The following DAB1 variants were observed in gnomAD, a reference collection of about 807,000 sequenced individuals.
DAB1 encodes the protein DAB adaptor protein 1.
In DAB1, 15 loss-of-function variants were observed where a neutral mutation model predicts 64.6. The ratio of observed to expected loss-of-function variants is 0.23; its 90% CI spans 0.16 to 0.36. The LOEUF (loss-of-function observed/expected upper bound fraction) is 0.36, where lower values mean the gene tolerates loss of function less well. Among genes scored for constraint, DAB1 ranks in the 10% least tolerant of loss-of-function variants. DAB1 has a pLI of 1.00. For synonymous variants in DAB1, 235 were observed against 251.9 expected (o/e 0.93, Z 0.64); for missense variants, 596 against 706.7 (o/e 0.84, Z 1.78).
At chr1:58,508,305 A>T (rs938973900) in intron 2 of DAB1, among the ~76,000 whole-genome samples, 2 of 152,120 alleles carry the variant, frequency 1.3e-5, no homozygotes, top group Admixed American at 6.6e-5. Context: ...CATTTTTCCA[A>T]TTTAGGAAAA....
intron 4 of DAB1, among the ~76,000 whole-genome samples, chr1:58,260,049 G>T (rs1395354914): frequency 6.6e-6 from 1 of 152,122 alleles, no homozygotes; most frequent in Non-Finnish European, 1.5e-5. Flanking sequence ...CCCTCAGCTG[G>T]TAAGTAGGAG....
intron 3 of DAB1, among the ~76,000 whole-genome samples, chr1:58,475,355 T>A (rs1489126596): frequency 6.6e-6 from 1 of 151,956 alleles, no homozygotes; most frequent in East Asian, 1.9e-4. Flanking sequence ...AGAGACAAGG[T>A]TTCACCATGT....
chr1:58,466,906 G>A (rs12085457), intron 3 of DAB1, among the ~76,000 whole-genome samples: 5,160 of 152,254 alleles, frequency 0.034, 331 homozygotes, highest in African/African-American at 0.12. Context: ...CTGTATCCTA[G>A]TGCCTGGTGC....
At chr1:57,107,045 G>C (rs1374066229) in intron 4 of DAB1, among the ~76,000 whole-genome samples, 1 of 151,940 alleles carries the variant, frequency 6.6e-6, no homozygotes, top group Non-Finnish European at 1.5e-5. Context: ...GGTGATGAAG[G>C]CATAGTACGT....
At chr1:57,185,268 T>C (rs1663418184) in intron 2 of DAB1, among the ~76,000 whole-genome samples, 1 of 152,186 alleles carries the variant, frequency 6.6e-6, no homozygotes, top group South Asian at 2.1e-4. Context: ...CTGGGCATTC[T>C]CTCTCCTGGA....
intron 7 of DAB1, among the ~76,000 whole-genome samples, chr1:57,594,398 C>CA (rs767270894): frequency 3.2e-4 from 48 of 152,140 alleles, no homozygotes; most frequent in Non-Finnish European, 6.6e-4. Context: ...GTTTCTGGAG[C>CA]ACCCTGGGTT....
chr1:57,678,761 G>GTTTTTTTT (rs143885937), intron 6 of DAB1, among the ~76,000 whole-genome samples: 212 of 135,698 alleles, frequency 1.6e-3, no homozygotes, highest in East Asian at 3.3e-3. Flanking sequence ...TGAGGCAACT[G>GTTTTTTTT]TTTTTTGTTT....
chr1:57,913,587 G>A (rs1257712877), intron 5 of DAB1, among the ~76,000 whole-genome samples: 1 of 152,208 alleles, frequency 6.6e-6, no homozygotes, highest in African/African-American at 2.4e-5. Context: ...AGCCAAAATT[G>A]ACAAAGGAGA....
chr1:58,447,441 T>C (rs558374155), intron 3 of DAB1, among the ~76,000 whole-genome samples: 28 of 152,332 alleles, frequency 1.8e-4, no homozygotes, highest in African/African-American at 6.7e-4. Context: ...TTTTTTTTCC[T>C]ATTGATATTC....
chr1:58,166,890 T>C (rs1454240346), intron 4 of DAB1, among the ~76,000 whole-genome samples: 2 of 151,828 alleles, frequency 1.3e-5, no homozygotes, highest in South Asian at 2.1e-4. Flanking sequence ...GAATTACAGT[T>C]GTGCACCACC....
chr1:58,160,712 G>A (rs1655490086), intron 4 of DAB1, among the ~76,000 whole-genome samples: 1 of 152,128 alleles, frequency 6.6e-6, no homozygotes, highest in African/African-American at 2.4e-5. Context: ...TATAACATGG[G>A]TCCTACAGGC....
chr1:58,393,187 T>C (rs952832201), intron 3 of DAB1, among the ~76,000 whole-genome samples: 17 of 147,646 alleles, frequency 1.2e-4, no homozygotes, highest in Admixed American at 9.6e-4. Context: ...GGCCTCAAAC[T>C]CTGGGGCTTA....
intron 7 of DAB1, among the ~76,000 whole-genome samples, chr1:57,579,091 G>C (rs1235141331): frequency 6.6e-6 from 1 of 152,188 alleles, no homozygotes; most frequent in East Asian, 1.9e-4. Context: ...TTTTAGAAAT[G>C]GGCTTGAGGT....
intron 7 of DAB1, among the ~76,000 whole-genome samples, chr1:57,541,286 G>A (rs562485965): frequency 2.0e-5 from 3 of 151,964 alleles, no homozygotes; most frequent in Non-Finnish European, 2.9e-5. Context: ...CTGCCACCAC[G>A]CCCAGCTAAT....
At chr1:57,165,432 G>C (rs1205287663) in intron 2 of DAB1, among the ~76,000 whole-genome samples, 1 of 151,980 alleles carries the variant, frequency 6.6e-6, no homozygotes, top group Non-Finnish European at 1.5e-5. Flanking sequence ...GCAGTAATAG[G>C]ATAAAACAAT....
chr1:58,399,673 A>T lies in DAB1; in HGVS notation n.258-56270T>A, dbSNP rs900394360. Among the ~76,000 whole-genome samples the T allele has an allele frequency of 1.3e-5, 2 of 152,342 alleles. 1 individual carries two copies. The highest frequency in any genetic ancestry group is 6.8e-3 in the Middle Eastern group (2 of 294). ...AGAACAATTGTCTCTCCTTGCATAC[A>T]TTCCATAACTTGCATTAATAATAAC... On this transcript the variant is annotated intron_variant and non_coding_transcript_variant, in intron 3 of 20. Transcript: ENST00000485760.
intron 5 of DAB1, among the ~76,000 whole-genome samples, chr1:58,099,378 A>G (rs1012179854): frequency 1.1e-4 from 16 of 152,258 alleles, no homozygotes; most frequent in African/African-American, 3.9e-4. Context: ...TATTTGTGAC[A>G]GATGAAAGAA....
chr1:57,561,056 G>C lies in DAB1; in HGVS notation n.625+88536C>G, dbSNP rs190482186. 8.5e-5 allele frequency among the ~76,000 whole-genome samples: 13 copies of C among 152,284 alleles called. No homozygotes were observed. The East Asian group carries it at 2.5e-3, about 29-fold the overall frequency. On this transcript the variant is annotated intron_variant and non_coding_transcript_variant, in intron 7 of 20. Transcript: ENST00000485760. Reference sequence around the variant, plus strand: ...AAGTGGTATGTATGTGATTGGGCTCGAGCAGGTCCTGAAGGCACAAGTAAG... The same window carrying C: ...AAGTGGTATGTATGTGATTGGGCTCCAGCAGGTCCTGAAGGCACAAGTAAG...
At chr1:58,443,827 T>C (rs1191563016) in intron 3 of DAB1, among the ~76,000 whole-genome samples, 5 of 152,236 alleles carry the variant, frequency 3.3e-5, no homozygotes, top group Non-Finnish European at 4.4e-5. Flanking sequence ...TGTTTAAACA[T>C]AGTAATTACA....
Sources: gnomAD v4.1 joint callset for allele counts (sites outside exome capture counted in the v4.1 genomes callset) on GRCh38, gnomAD v4.1.1 for gene constraint, MANE v1.5 for transcripts, NCBI Gene and HGNC (gene_info 2026-07-23, HGNC 2026-07-21) for gene names.